The following MAN1A2 variants were observed in gnomAD, a reference collection of about 807,000 sequenced individuals.
MAN1A2 encodes the protein mannosidase alpha class 1A member 2, also known as mannosyl-oligosaccharide 1,2-alpha-mannosidase IB.
In MAN1A2, 26 loss-of-function variants were observed where a neutral mutation model predicts 75.7. The ratio of observed to expected loss-of-function variants is 0.34; its 90% CI spans 0.25 to 0.48. MAN1A2 has a LOEUF of 0.48. Ranked by LOEUF, MAN1A2 falls within the 20% of genes least tolerant of loss-of-function variation. MAN1A2 has a pLI of 0.99. For missense variants in MAN1A2, 562 were observed against 775.5 expected, an observed-to-expected ratio of 0.72 and a Z score of 3.27; for synonymous variants, 247 against 264.6, an observed-to-expected ratio of 0.93 and a Z score of 0.65.
intron 6 of MAN1A2, among the ~76,000 whole-genome samples, chr1:117,444,274 A>G (rs1398479460): frequency 6.6e-6 from 1 of 150,572 alleles, no homozygotes; most frequent in Non-Finnish European, 1.5e-5. Context: ...TGTTTCCATT[A>G]TTTTCCTACC....
chr1:117,466,291 C>CACT, intron 7 of MAN1A2, 43 bp from the exon 8 acceptor site: 1 of 1,280,892 alleles, frequency 7.8e-7, no homozygotes, highest in South Asian at 1.3e-5. Flanking sequence ...GCCTTGATGA[C>CACT]ACTTATTTTT....
At chr1:117,402,078 A>G (rs1189722566) in intron 1 of MAN1A2, 108 bp from the exon 2 acceptor site, 2 of 1,149,236 alleles carry the variant, frequency 1.7e-6, no homozygotes, top group African/African-American at 1.6e-5. Flanking sequence ...TGGCAAAAGT[A>G]GAAAACAAGT....
At chr1:117,424,057 T>G (rs1648289027) in intron 5 of MAN1A2, among the ~76,000 whole-genome samples, 1 of 152,086 alleles carries the variant, frequency 6.6e-6, no homozygotes, top group East Asian at 1.9e-4. Flanking sequence ...TCTAACTTCA[T>G]TAATTAATTC....
chr1:117,388,651 C>T (rs1420784720), intron 1 of MAN1A2, among the ~76,000 whole-genome samples: 6 of 152,072 alleles, frequency 3.9e-5, no homozygotes, highest in African/African-American at 9.7e-5. Context: ...CATGAGGGAT[C>T]CATCTCATGA....
chr1:117,495,818 G>C (rs945354323), intron 9 of MAN1A2, among the ~76,000 whole-genome samples: 14 of 151,820 alleles, frequency 9.2e-5, no homozygotes, highest in Admixed American at 9.2e-4. Context: ...GCTTCAGAGT[G>C]CTATGGTTAA....
In MAN1A2 at chr1:117,525,252, C is replaced by A; in HGVS notation, c.*2295C>A. ...GACAATGGAAGGGTCTTCTTCACCA[C>A]TCCTTACCTTCTATGTGATGGAAAG... On this transcript the variant is annotated 3_prime_UTR_variant, in exon 13 of 13. Transcript: ENST00000356554. 1 of 413,848 alleles carries A rather than the reference C, an allele frequency of 2.4e-6. No individual in the cohort carries two copies. Among genetic ancestry groups the A allele is most frequent in the South Asian group, 1.9e-5 (1 of 53,262 alleles). The allele number at this position is 413,848 out of a possible 1,614,324, so 25.6% of individuals were successfully genotyped here.
chr1:117,456,293 C>A (rs765053391), intron 6 of MAN1A2, among the ~76,000 whole-genome samples: 20 of 151,874 alleles, frequency 1.3e-4, no homozygotes, highest in Admixed American at 3.3e-4. Flanking sequence ...AAAATATTTA[C>A]AGTATATTAA....
At chr1:117,428,289 A>G (rs1382448884) in intron 5 of MAN1A2, among the ~76,000 whole-genome samples, 6 of 151,860 alleles carry the variant, frequency 4.0e-5, no homozygotes, top group African/African-American at 1.5e-4. Flanking sequence ...TAATTATTTT[A>G]TTTTTTGTAG....
intron 6 of MAN1A2, among the ~76,000 whole-genome samples, chr1:117,452,075 G>A (rs975641452): frequency 6.6e-6 from 1 of 152,130 alleles, no homozygotes; most frequent in Non-Finnish European, 1.5e-5. Flanking sequence ...GGGAGGCCGA[G>A]GAAGGTGGAT....
At chr1:117,442,794 A>G (rs1473802737) in intron 6 of MAN1A2, among the ~76,000 whole-genome samples, 1 of 152,196 alleles carries the variant, frequency 6.6e-6, no homozygotes, top group Non-Finnish European at 1.5e-5. Flanking sequence ...AGAAAGACGT[A>G]ATTTATGATG....
At chr1:117,454,073 T>G (rs1649502556) in intron 6 of MAN1A2, among the ~76,000 whole-genome samples, 1 of 152,026 alleles carries the variant, frequency 6.6e-6, no homozygotes, top group African/African-American at 2.4e-5. Context: ...TATTTCCACA[T>G]AATGCTGTTG....
At chr1:117,458,495 A>ATCTC (rs1027788043) in intron 6 of MAN1A2, among the ~76,000 whole-genome samples, 3 of 54,932 alleles carry the variant, frequency 5.5e-5, no homozygotes, top group African/African-American at 2.1e-4. Flanking sequence ...ATATATATAT[A>ATCTC]TCTATATATA....
At chr1:117,419,941 A>G (rs1043481615) in intron 4 of MAN1A2, among the ~76,000 whole-genome samples, 4 of 152,044 alleles carry the variant, frequency 2.6e-5, no homozygotes, top group African/African-American at 7.2e-5. Flanking sequence ...AAATTTATAT[A>G]TTGCCACACT....
rs1487625062 is a variant in MAN1A2, at chr1:117,528,037, C to A, written c.*5080C>A. ...CCTTTCTCTTGCATAACTCTCAATC[C>A]TTTACAAGTAAGTAGCATTATTTCA... On this transcript the variant is annotated 3_prime_UTR_variant, in exon 13 of 13. Coordinates refer to ENST00000356554, the MANE Select transcript of MAN1A2 (RefSeq NM_006699.5). 6.6e-6 allele frequency: 1 copy of A among 151,972 alleles called. No individual in the cohort carries two copies. Among genetic ancestry groups the A allele is most frequent in the African/African-American group, 2.4e-5 (1 of 41,388 alleles). 9.4% of individuals were successfully genotyped at this position (151,972 alleles called of 1,614,324 possible).
intron 1 of MAN1A2, among the ~76,000 whole-genome samples, chr1:117,377,099 T>A (rs1653172769): frequency 6.6e-6 from 1 of 152,224 alleles, no homozygotes; most frequent in Non-Finnish European, 1.5e-5. Flanking sequence ...TATGGCTATA[T>A]ATGGTTATAT....
At chr1:117,436,101 CAA>C (rs1018099188) in intron 5 of MAN1A2, among the ~76,000 whole-genome samples, 1 of 152,010 alleles carries the variant, frequency 6.6e-6, no homozygotes, top group Non-Finnish European at 1.5e-5. Context: ...GAAGTCTAGT[CAA>C]GAGACAGAAT....
chr1:117,527,058 A>G lies in MAN1A2; in HGVS notation c.*4101A>G, dbSNP rs560043480. On this transcript the variant is annotated 3_prime_UTR_variant, in exon 13 of 13. Coordinates refer to ENST00000356554, the MANE Select transcript of MAN1A2 (RefSeq NM_006699.5). ...ATAAGCAGAATATTTGAGTAACTAT[A>G]TATGATATGGAGATATTTTAATCCA... 2.2e-4 allele frequency: 34 copies of G among 151,678 alleles called. No homozygotes were observed. The highest frequency in any genetic ancestry group is 6.8e-3 in the Middle Eastern group (2 of 294). 9.4% of individuals were successfully genotyped at this position (151,678 alleles called of 1,614,324 possible). A position where few individuals can be genotyped will look rare whatever the true frequency, so the allele number is the denominator to read the frequency against.
intron 1 of MAN1A2, among the ~76,000 whole-genome samples, chr1:117,377,886 GT>G (rs1195640379): frequency 6.6e-6 from 1 of 152,112 alleles, no homozygotes; most frequent in Non-Finnish European, 1.5e-5. Context: ...GGATCACGAG[GT>G]CAGGTGATTG....
At position 117,514,842 on chromosome 1, in the gene MAN1A2, C is replaced by A. The variant is rs776431811; in HGVS notation, c.1794-7983C>A. The A allele has an allele frequency of 5.6e-6, 3 of 532,964 alleles. No individual in the cohort carries two copies. In the East Asian group the frequency reaches 1.6e-4, roughly 29 times the overall value. 33.0% of individuals were successfully genotyped at this position (532,964 alleles called of 1,614,324 possible). ...TCTTTTATCTTGTCTGCAACTGGAT[C>A]TTGAAGTTAGCCTCCTACCATGAGA... is the stretch of plus-strand genomic sequence containing the variant. On this transcript the variant is annotated intron_variant, in intron 12 of 12. Transcript: ENST00000356554.
Sources: gnomAD v4.1 joint callset for allele counts (sites outside exome capture counted in the v4.1 genomes callset) on GRCh38, gnomAD v4.1.1 for gene constraint, MANE v1.5 for transcripts, NCBI Gene and HGNC (gene_info 2026-07-23, HGNC 2026-07-21) for gene names.